The following LRP1B variants were observed in gnomAD, a reference collection of about 807,000 sequenced individuals.
The protein encoded by LRP1B is LDL receptor related protein 1B, also known as low-density lipoprotein receptor-related protein 1B.
LRP1B carries 217 observed loss-of-function variants against 556.6 expected under a neutral mutation model. That is an observed-to-expected ratio of 0.39 (90% confidence interval 0.35 to 0.44). The LOEUF is 0.44. Ranked by LOEUF, LRP1B falls within the 20% of genes least tolerant of loss-of-function variation. LRP1B has a pLI of 1.00. For synonymous variants in LRP1B, 2,047 were observed against 1,865.8 expected, an observed-to-expected ratio of 1.10 and a Z score of -2.50; for missense variants, 5,053 against 5,620.8, an observed-to-expected ratio of 0.90 and a Z score of 3.23.
At chr2:140,882,804 C>G (rs1419261490) in intron 25 of LRP1B, among the ~76,000 whole-genome samples, 1 of 152,146 alleles carries the variant, frequency 6.6e-6, no homozygotes, top group Non-Finnish European at 1.5e-5. Flanking sequence ...TCGTTGAACT[C>G]CCTTTTGGCT....
chr2:141,136,776 T>A (rs551422149), intron 7 of LRP1B, among the ~76,000 whole-genome samples: 1 of 151,828 alleles, frequency 6.6e-6, no homozygotes, highest in African/African-American at 2.4e-5. Context: ...GAAAGATATA[T>A]GGGTTGAAGC....
chr2:140,419,567 T>A (rs1172061255), intron 66 of LRP1B, among the ~76,000 whole-genome samples: 1 of 152,228 alleles, frequency 6.6e-6, no homozygotes, highest in Non-Finnish European at 1.5e-5. Flanking sequence ...AGTACTTTGA[T>A]ACATTTTAAA....
intron 2 of LRP1B, among the ~76,000 whole-genome samples, chr2:141,514,349 C>T (rs371079931): frequency 6.6e-5 from 10 of 152,264 alleles, no homozygotes; most frequent in South Asian, 6.2e-4. Context: ...TCTCCATCCA[C>T]GGGATCTTGT....
chr2:141,846,317 A>G (rs996230517), intron 1 of LRP1B, among the ~76,000 whole-genome samples: 8 of 151,650 alleles, frequency 5.3e-5, no homozygotes, highest in Non-Finnish European at 1.0e-4. Flanking sequence ...AATATATATG[A>G]TAAATTAAAA....
intron 1 of LRP1B, among the ~76,000 whole-genome samples, chr2:142,017,544 T>C (rs1176333610): frequency 2.0e-5 from 3 of 152,092 alleles, no homozygotes; most frequent in Non-Finnish European, 4.4e-5. Context: ...ATAGAAGGTG[T>C]TCAGTAAATA....
chr2:141,331,552 C>CTTTCT (rs1573817128), intron 3 of LRP1B, among the ~76,000 whole-genome samples: 2 of 143,076 alleles, frequency 1.4e-5, no homozygotes, highest in Non-Finnish European at 3.1e-5. Flanking sequence ...TTCTTTCTTT[C>CTTTCT]TTATTTGGGA....
intron 1 of LRP1B, among the ~76,000 whole-genome samples, chr2:142,004,722 G>A (rs927743735): frequency 4.0e-5 from 6 of 151,334 alleles, no homozygotes; most frequent in South Asian, 2.1e-4. Context: ...AGAAGGTGCC[G>A]GTAATCCCAG....
intron 2 of LRP1B, among the ~76,000 whole-genome samples, chr2:141,526,905 A>G (rs189172347): frequency 7.6e-4 from 115 of 152,186 alleles, no homozygotes; most frequent in Non-Finnish European, 1.4e-3. Context: ...GTATGTGTAC[A>G]TTTTTGGTTT....
chr2:142,114,387 A>T (rs1707110563), intron 1 of LRP1B, among the ~76,000 whole-genome samples: 1 of 152,128 alleles, frequency 6.6e-6, no homozygotes, highest in Admixed American at 6.6e-5. Context: ...AAAGTATTGA[A>T]CAGTTCTAGT....
Position 141,538,133 on chromosome 2 carries a change from T to C in LRP1B, c.206-57600A>G, listed in dbSNP as rs569560514. On this transcript the variant is annotated intron_variant, in intron 2 of 90. Coordinates refer to ENST00000389484, the MANE Select transcript of LRP1B (RefSeq NM_018557.3). The stretch of plus-strand genomic sequence containing the variant: ...ATCTGTGCATATATGCGTACATTCA[T>C]AGGATCCTGATGTCTTTGTGCAAAA... 3.9e-5 allele frequency among the ~76,000 whole-genome samples: 6 copies of C among 152,256 alleles called. No individual in the cohort carries two copies. In the East Asian group the frequency reaches 7.8e-4, roughly 20 times the overall value.
intron 7 of LRP1B, among the ~76,000 whole-genome samples, chr2:141,147,830 C>T (rs1701823904): frequency 6.6e-6 from 1 of 152,092 alleles, no homozygotes; most frequent in Admixed American, 6.6e-5. Context: ...AACAGTGGTC[C>T]CATAAGTTTA....
At chr2:141,360,652 C>T (rs1688789663) in intron 3 of LRP1B, among the ~76,000 whole-genome samples, 1 of 152,132 alleles carries the variant, frequency 6.6e-6, no homozygotes, top group Non-Finnish European at 1.5e-5. Flanking sequence ...TATATCAAAG[C>T]TGAGGCTGGG....
At chr2:141,912,370 T>C (rs963140268) in intron 1 of LRP1B, among the ~76,000 whole-genome samples, 1 of 152,150 alleles carries the variant, frequency 6.6e-6, no homozygotes, top group Non-Finnish European at 1.5e-5. Flanking sequence ...GTATTCTTTC[T>C]TGGCATTTAG....
At chr2:140,834,955 G>T (rs1053812431) in intron 31 of LRP1B, among the ~76,000 whole-genome samples, 1 of 152,026 alleles carries the variant, frequency 6.6e-6, no homozygotes, top group African/African-American at 2.4e-5. Context: ...ATATCTGGGA[G>T]CAACGTATAT....
intron 3 of LRP1B, among the ~76,000 whole-genome samples, chr2:141,416,715 A>G (rs141975550): frequency 6.6e-6 from 1 of 152,256 alleles, no homozygotes; most frequent in African/African-American, 2.4e-5. Context: ...TTGGCCTCCC[A>G]AAGTAGACAG....
rs572265744 is a variant in LRP1B, at chr2:142,005,164, T to C, written c.82+125484A>G. Among the ~76,000 whole-genome samples the C allele has an allele frequency of 6.7e-5, 10 of 150,218 alleles. No individual in the cohort carries two copies. In the South Asian group the frequency reaches 1.9e-3, roughly 28 times the overall value. On this transcript the variant is annotated intron_variant, in intron 1 of 90. Transcript: ENST00000389484. ...GTACTGCATATTTAATACTACATAC[T>C]ATATATTTATATATATTTGGTGCCT...
chr2:140,825,325 G>A (rs972162960), intron 31 of LRP1B, among the ~76,000 whole-genome samples: 1 of 152,096 alleles, frequency 6.6e-6, no homozygotes, highest in Non-Finnish European at 1.5e-5. Context: ...GGGAAGTTTC[G>A]GTCACACTGC....
chr2:141,563,748 T>C (rs1686240826), intron 2 of LRP1B, among the ~76,000 whole-genome samples: 1 of 152,080 alleles, frequency 6.6e-6, no homozygotes. Context: ...CTGGAGGCCA[T>C]TATCCTAAGA....
At chr2:140,898,831 C>T (rs886763141) in intron 23 of LRP1B, 1 of 490,108 alleles carries the variant, frequency 2.0e-6, no homozygotes, top group Non-Finnish European at 4.1e-6. Flanking sequence ...TGTGGTGGAT[C>T]TTTCCAAGAA....
Sources: gnomAD v4.1 joint callset for allele counts (sites outside exome capture counted in the v4.1 genomes callset) on GRCh38, gnomAD v4.1.1 for gene constraint, MANE v1.5 for transcripts, NCBI Gene and HGNC (gene_info 2026-07-23, HGNC 2026-07-21) for gene names.